MTUS2: variants seen among roughly 807,000 people sequenced by gnomAD.
MTUS2 encodes microtubule associated scaffold protein 2.
Under a neutral mutation model 114.1 loss-of-function variants are expected in MTUS2, and 40 were observed. The observed-to-expected ratio is 0.35, with a 90% CI of 0.27 to 0.46. The LOEUF is 0.46. Among genes scored for constraint, MTUS2 ranks in the 20% least tolerant of loss-of-function variants. The pLI, the probability that MTUS2 is intolerant of heterozygous loss-of-function variation, is 1.00. For missense variants in MTUS2, 1,679 were observed against 1,705.4 expected (o/e 0.98, Z 0.27); for synonymous variants, 688 against 672.0 (o/e 1.02, Z -0.37).
At chr13:29,310,854 C>T (rs1899723122) in intron 6 of MTUS2, among the ~76,000 whole-genome samples, 1 of 152,024 alleles carries the variant, frequency 6.6e-6, no homozygotes, top group Non-Finnish European at 1.5e-5. Context: ...CCATGTGTGC[C>T]ATAATTTAGG....
At chr13:28,905,650 G>A (rs1377757637) in intron 2 of MTUS2, among the ~76,000 whole-genome samples, 1 of 150,874 alleles carries the variant, frequency 6.6e-6, no homozygotes, top group African/African-American at 2.5e-5. Context: ...GCTGGATTCA[G>A]TTTGCCAGTA....
At chr13:28,991,459 C>T (rs1229306860) in intron 2 of MTUS2, among the ~76,000 whole-genome samples, 1 of 151,746 alleles carries the variant, frequency 6.6e-6, no homozygotes, top group Non-Finnish European at 1.5e-5. Flanking sequence ...AGCTCCGCCT[C>T]CCGGGTTCAC....
At chr13:29,389,113 C>A (rs1473781935) in intron 8 of MTUS2, among the ~76,000 whole-genome samples, 1 of 150,996 alleles carries the variant, frequency 6.6e-6, no homozygotes, top group Non-Finnish European at 1.5e-5. Context: ...TGGAAATGAT[C>A]TAAGTTGTTT....
Position 29,383,240 on chromosome 13 carries a change from G to T in MTUS2, c.3117+23767G>T, listed in dbSNP as rs1327296826. Reference sequence around the variant, plus strand: ...TGAGTGTGTGTGTGTGTGTGTGTGTGTGTGTGTGTGTGTATTTATTTTTCT... The same window carrying T: ...TGAGTGTGTGTGTGTGTGTGTGTGTTTGTGTGTGTGTGTATTTATTTTTCT... On this transcript the variant is annotated intron_variant, in intron 8 of 15. Transcript: ENST00000612955. Among the ~76,000 whole-genome samples, 84 of 25,068 alleles carry T rather than the reference G, an allele frequency of 3.4e-3. 3 individuals are homozygous for T. Among genetic ancestry groups the T allele is most frequent in the Admixed American group, 5.7e-3 (8 of 1,406 alleles). The allele number at this position is 25,068 out of a possible 152,430, so 16.4% of individuals were successfully genotyped here.
chr13:29,342,870 G>C (rs1407185682), intron 7 of MTUS2, among the ~76,000 whole-genome samples: 1 of 152,020 alleles, frequency 6.6e-6, no homozygotes, highest in East Asian at 1.9e-4. Context: ...AATCATAAAG[G>C]GATGGTGGAT....
chr13:29,020,741 C>T (rs1047476013), intron 2 of MTUS2, among the ~76,000 whole-genome samples: 1 of 151,622 alleles, frequency 6.6e-6, no homozygotes, highest in Non-Finnish European at 1.5e-5. Context: ...AGCTTTTCTT[C>T]TTTACAGCTT....
At chr13:28,979,521 G>GT (rs906486562) in intron 2 of MTUS2, among the ~76,000 whole-genome samples, 1 of 151,512 alleles carries the variant, frequency 6.6e-6, no homozygotes, top group African/African-American at 2.4e-5. Context: ...ACAACCCTTT[G>GT]TTTTTTTTCT....
intron 6 of MTUS2, among the ~76,000 whole-genome samples, chr13:29,313,819 G>A (rs994517057): frequency 6.6e-6 from 1 of 152,104 alleles, no homozygotes; most frequent in African/African-American, 2.4e-5. Context: ...CAAGAGAGCA[G>A]ACAGATCACA....
intron 2 of MTUS2, among the ~76,000 whole-genome samples, chr13:28,990,035 G>A (rs1206280024): frequency 1.3e-5 from 2 of 152,080 alleles, no homozygotes; most frequent in African/African-American, 2.4e-5. Flanking sequence ...TGGAATCTTC[G>A]GCTGCCTGGG....
chr13:29,318,208 A>G (rs1238383258), intron 6 of MTUS2, among the ~76,000 whole-genome samples: 1 of 148,206 alleles, frequency 6.7e-6, no homozygotes, highest in Non-Finnish European at 1.5e-5. Context: ...ACTTGCAGGA[A>G]TTTGCAGCCT....
At chr13:28,849,615 C>T (rs1876115869) in intron 2 of MTUS2, among the ~76,000 whole-genome samples, 1 of 152,146 alleles carries the variant, frequency 6.6e-6, no homozygotes, top group African/African-American at 2.4e-5. Context: ...CAGAAATTAC[C>T]TTGCACTGCC....
intron 14 of MTUS2, 66 bp downstream of exon 14, chr13:29,498,603 T>C: frequency 3.1e-6 from 5 of 1,599,116 alleles, no homozygotes; most frequent in Non-Finnish European, 4.3e-6. Flanking sequence ...ACTGATGTCA[T>C]CGTTGATGGT....
intron 5 of MTUS2, among the ~76,000 whole-genome samples, chr13:29,264,110 C>A (rs1897579713): frequency 6.6e-6 from 1 of 152,234 alleles, no homozygotes; most frequent in African/African-American, 2.4e-5. Context: ...AGTAAGCATT[C>A]CCATTCCAAA....
intron 5 of MTUS2, among the ~76,000 whole-genome samples, chr13:29,159,442 A>C (rs1237098004): frequency 6.6e-6 from 1 of 152,218 alleles, no homozygotes; most frequent in Non-Finnish European, 1.5e-5. Context: ...ATCTAGGACT[A>C]AGCAAAGAAT....
chr13:29,465,552 A>G (rs1879830310), intron 9 of MTUS2, among the ~76,000 whole-genome samples: 1 of 152,020 alleles, frequency 6.6e-6, no homozygotes, highest in African/African-American at 2.4e-5. Context: ...TAGTATTTCC[A>G]CCCCATTGAG....
At chr13:29,152,799 C>T (rs1892712465) in intron 5 of MTUS2, among the ~76,000 whole-genome samples, 1 of 152,068 alleles carries the variant, frequency 6.6e-6, no homozygotes, top group African/African-American at 2.4e-5. Context: ...CTGTTGTATT[C>T]TGCCATATTT....
chr13:29,158,649 C>T (rs924793684), intron 5 of MTUS2, among the ~76,000 whole-genome samples: 7 of 152,124 alleles, frequency 4.6e-5, no homozygotes, highest in African/African-American at 9.7e-5. Flanking sequence ...TACCTCTGTG[C>T]TTATCTCTCA....
intron 5 of MTUS2, among the ~76,000 whole-genome samples, chr13:29,123,770 A>T (rs2138920730): frequency 6.6e-6 from 1 of 152,234 alleles, no homozygotes; most frequent in Non-Finnish European, 1.5e-5. Flanking sequence ...TTTCTGAATG[A>T]TGTATTGAGA....
intron 5 of MTUS2, among the ~76,000 whole-genome samples, chr13:29,197,845 G>A (rs998932666): frequency 1.2e-4 from 18 of 152,186 alleles, no homozygotes; most frequent in African/African-American, 4.3e-4. Context: ...TTTGTTGGCT[G>A]CATAAGTGTC....
Sources: gnomAD v4.1 joint callset for allele counts (sites outside exome capture counted in the v4.1 genomes callset) on GRCh38, gnomAD v4.1.1 for gene constraint, MANE v1.5 for transcripts, NCBI Gene and HGNC (gene_info 2026-07-23, HGNC 2026-07-21) for gene names.